FSHR: variants seen among roughly 807,000 people sequenced by gnomAD.
The protein encoded by FSHR is follicle stimulating hormone receptor, also known as follicle-stimulating hormone receptor.
Under a neutral mutation model 52.1 loss-of-function variants are expected in FSHR, and 46 were observed. The observed-to-expected ratio is 0.88, with a 90% CI of 0.70 to 1.13. The LOEUF is 1.13. FSHR is among the 50% of genes most tolerant of loss of function. The pLI is 0.00. For synonymous variants in FSHR, 399 were observed against 309.6 expected, an observed-to-expected ratio of 1.29 and a Z score of -3.03; for missense variants, 964 against 834.6, an observed-to-expected ratio of 1.16 and a Z score of -1.91.
chr2:49,040,070 G>C (rs775223630), intron 2 of FSHR, among the ~76,000 whole-genome samples: 1 of 152,136 alleles, frequency 6.6e-6, no homozygotes, highest in Admixed American at 6.5e-5. Context: ...AGAGTCTATA[G>C]GTTATCAAAG....
In FSHR at chr2:48,968,883, T is replaced by A; in HGVS notation, c.669A>T (p.Leu223=). Residue 223 remains leucine, a splice_region_variant and synonymous_variant, in exon 9 of 10, where the codon CTA becomes CTT. Coordinates refer to ENST00000406846, the MANE Select transcript of FSHR (RefSeq NM_000145.4). ...VFHGASGPVI[L]DISRTRIHSL... is the part of the protein sequence containing the mutation. The stretch of plus-strand genomic sequence containing the variant: ...AATGGATCCTTGTTCTTGAAATATC[T>A]CTATAAAGAGAAAAGGTAAATATAA... 3 of 1,612,976 alleles carry A rather than the reference T, an allele frequency of 1.9e-6. No homozygotes were observed. The South Asian group carries it at 3.3e-5, about 18-fold the overall frequency.
At chr2:49,119,806 C>G (rs1185451695) in intron 1 of FSHR, among the ~76,000 whole-genome samples, 1 of 152,174 alleles carries the variant, frequency 6.6e-6, no homozygotes, top group African/African-American at 2.4e-5. Context: ...ACACTTAGAG[C>G]TGTGTGAGCC....
At chr2:49,127,266 T>C (rs370487578) in intron 1 of FSHR, among the ~76,000 whole-genome samples, 14 of 151,614 alleles carry the variant, frequency 9.2e-5, no homozygotes, top group Admixed American at 2.6e-4. Context: ...AGGCAGAGAT[T>C]GCAGTGAACT....
chr2:49,144,470 C>T (rs1375435166), intron 1 of FSHR, among the ~76,000 whole-genome samples: 4 of 152,026 alleles, frequency 2.6e-5, no homozygotes, highest in Non-Finnish European at 5.9e-5. Context: ...TAAAGGAGTT[C>T]AGCAGATTTT....
At chr2:49,019,179 A>G (rs189185979) in intron 3 of FSHR, among the ~76,000 whole-genome samples, 3 of 152,342 alleles carry the variant, frequency 2.0e-5, no homozygotes, top group Non-Finnish European at 4.4e-5. Flanking sequence ...GGAGATTCTA[A>G]ATGCATATTA....
chr2:48,972,168 A>T (rs943913829), intron 8 of FSHR, among the ~76,000 whole-genome samples: 1 of 152,168 alleles, frequency 6.6e-6, no homozygotes. Context: ...CCACCTTTCC[A>T]GTTGTTCATG....
Position 49,052,096 on chromosome 2 carries a change from A to G in FSHR, c.224+16123T>C, listed in dbSNP as rs138010202. ...AAATATACAGACTAATATTGCTACA[A>G]ATATAGATAAAACATTTTAAACAAA... On this transcript the variant is annotated intron_variant, in intron 2 of 9. Coordinates refer to ENST00000406846, the MANE Select transcript of FSHR (RefSeq NM_000145.4). 7.1e-3 allele frequency among the ~76,000 whole-genome samples: 1,089 copies of G among 152,328 alleles called. 43 individuals carry two copies. Among genetic ancestry groups the G allele is most frequent in the Admixed American group, 0.064 (975 of 15,294 alleles).
At chr2:49,104,022 CA>C (rs1284173495) in intron 1 of FSHR, among the ~76,000 whole-genome samples, 19 of 151,236 alleles carry the variant, frequency 1.3e-4, no homozygotes, top group African/African-American at 4.6e-4. Context: ...TCACTATTAT[CA>C]CTGCAATTTC....
intron 1 of FSHR, among the ~76,000 whole-genome samples, chr2:49,134,600 C>A (rs1426529182): frequency 1.4e-4 from 21 of 152,200 alleles, no homozygotes; most frequent in African/African-American, 4.8e-4. Context: ...ATACTGCTAT[C>A]AAGACACATG....
At chr2:49,085,919 A>C (rs1265676700) in intron 1 of FSHR, among the ~76,000 whole-genome samples, 2 of 149,560 alleles carry the variant, frequency 1.3e-5, no homozygotes, top group East Asian at 4.0e-4. Flanking sequence ...AACAATGAGA[A>C]CACATGGACA....
chr2:48,997,538 C>G (rs1676075979), intron 4 of FSHR, among the ~76,000 whole-genome samples: 2 of 151,842 alleles, frequency 1.3e-5, no homozygotes, highest in Admixed American at 1.3e-4. Context: ...GGTCTGGTTT[C>G]AAGTCCTCCT....
At chr2:49,001,994 A>T (rs1282827566) in intron 4 of FSHR, among the ~76,000 whole-genome samples, 2 of 152,266 alleles carry the variant, frequency 1.3e-5, no homozygotes, top group East Asian at 3.9e-4. Context: ...CATCTAGTAG[A>T]TGCTCAGTAA....
rs151109524 is a variant in FSHR at position 48,963,095 on chromosome 2, T to C, written c.1726A>G (p.Met576Val). 2 of 1,613,924 alleles carry C rather than the reference T, an allele frequency of 1.2e-6. No individual in the cohort carries two copies. The highest frequency in any genetic ancestry group is 1.7e-6 in the Non-Finnish European group (2 of 1,179,998). ...CAGAGGAAGTCAGTGAAGATGAGCA[T>C]GGCCATGCGCTTGGCGATCCTGGTG... is the stretch of plus-strand genomic sequence containing the variant. ...SDTRIAKRMAMLIFTDFLCMA... is the reference protein window; with the variant it reads ...SDTRIAKRMAVLIFTDFLCMA... The change falls in exon 10 of 10, where the codon ATG becomes GTG. Residue 576 changes from methionine (M) to valine (V), a missense_variant. Physicochemically the swap from Met to Val is conservative, Grantham distance 21. Coordinates refer to ENST00000406846, the MANE Select transcript of FSHR (RefSeq NM_000145.4).
intron 8 of FSHR, among the ~76,000 whole-genome samples, chr2:48,971,735 T>C (rs1674750175): frequency 6.6e-6 from 1 of 152,232 alleles, no homozygotes; most frequent in Non-Finnish European, 1.5e-5. Flanking sequence ...ATAGTTCTAG[T>C]TTTGTCAATT....
intron 9 of FSHR, among the ~76,000 whole-genome samples, chr2:48,965,435 G>T (rs1173716431): frequency 6.6e-6 from 1 of 152,160 alleles, no homozygotes; most frequent in Non-Finnish European, 1.5e-5. Context: ...TGGAAACGGA[G>T]CCCAGAAAAT....
chr2:49,153,863 A>T (rs921866171), intron 1 of FSHR, among the ~76,000 whole-genome samples: 2 of 152,162 alleles, frequency 1.3e-5, no homozygotes, highest in Admixed American at 1.3e-4. Flanking sequence ...CTCGGGAGAC[A>T]TACCTTGTGT....
intron 4 of FSHR, among the ~76,000 whole-genome samples, chr2:49,012,437 C>A (rs1039348769): frequency 2.2e-4 from 33 of 151,878 alleles, no homozygotes; most frequent in African/African-American, 7.7e-4. Context: ...ACTTAAGGTT[C>A]CTCAGTGAAG....
intron 1 of FSHR, among the ~76,000 whole-genome samples, chr2:49,096,299 T>A (rs1377188004): frequency 1.3e-5 from 2 of 152,210 alleles, no homozygotes; most frequent in East Asian, 3.8e-4. Flanking sequence ...GAAGTCCTGA[T>A]AAATGATATA....
intron 1 of FSHR, among the ~76,000 whole-genome samples, chr2:49,082,761 T>C (rs546758600): frequency 1.3e-5 from 2 of 152,038 alleles, no homozygotes; most frequent in South Asian, 4.2e-4. Flanking sequence ...GAAGATGAAA[T>C]GAATGAAATG....
Sources: gnomAD v4.1 joint callset for allele counts (sites outside exome capture counted in the v4.1 genomes callset) on GRCh38, gnomAD v4.1.1 for gene constraint, MANE v1.5 for transcripts, NCBI Gene and HGNC (gene_info 2026-07-23, HGNC 2026-07-21) for gene names.